RAD52: variants seen among roughly 807,000 people sequenced by gnomAD.
RAD52 encodes RAD52 DNA repair protein.
RAD52 carries 47 observed loss-of-function variants against 55.5 expected under a neutral mutation model. That is an observed-to-expected ratio of 0.85 (90% CI 0.67 to 1.08). The LOEUF is 1.08. RAD52 is among the 50% of genes least tolerant of loss of function. RAD52 has a pLI of 0.00. For synonymous variants in RAD52, 184 were observed against 198.9 expected, an observed-to-expected ratio of 0.92 and a Z score of 0.63; for missense variants, 468 against 522.8, an observed-to-expected ratio of 0.90 and a Z score of 1.02.
chr12:914,596 G>C, intron 9 of RAD52, 64 bp from the exon 10 acceptor site: 1 of 1,592,452 alleles, frequency 6.3e-7, no homozygotes, highest in South Asian at 1.1e-5. Flanking sequence ...ATTTCAGAGC[G>C]TGGGTCCACT....
At chr12:951,969 CT>C (rs886447124), upstream of RAD52, among the ~76,000 whole-genome samples, 4 of 151,734 alleles carry the variant, frequency 2.6e-5, no homozygotes, top group African/African-American at 7.2e-5. Flanking sequence ...TTATGAAAAA[CT>C]TTTTTTTCTA....
chr12:934,460 C>A (rs1253081339), intron 1 of RAD52, among the ~76,000 whole-genome samples: 3 of 128,832 alleles, frequency 2.3e-5, no homozygotes, highest in African/African-American at 8.8e-5. Flanking sequence ...GACTCCATCT[C>A]AAAAAAAAAA....
At chr12:937,537 T>C (rs577030874) in intron 1 of RAD52, among the ~76,000 whole-genome samples, 18 of 152,190 alleles carry the variant, frequency 1.2e-4, no homozygotes, top group African/African-American at 4.3e-4. Flanking sequence ...GCAATTCTCC[T>C]GCCTCAGCCT....
chr12:982,097 G>C (rs1167001861), intron 1 of RAD52, among the ~76,000 whole-genome samples: 8 of 152,140 alleles, frequency 5.3e-5, no homozygotes, highest in Admixed American at 3.9e-4. Flanking sequence ...ATCTCCTTTG[G>C]GATCAGTCTT....
At chr12:965,231 A>AC (rs1185077446) in intron 1 of RAD52, among the ~76,000 whole-genome samples, 2 of 150,176 alleles carry the variant, frequency 1.3e-5, no homozygotes, top group East Asian at 3.9e-4. Flanking sequence ...GCCCACCTCG[A>AC]CTCCCAAAGT....
intron 6 of RAD52, chr12:926,899 G>C: frequency 1.3e-6 from 2 of 1,536,818 alleles, no homozygotes; most frequent in South Asian, 1.2e-5. Flanking sequence ...TGAGTGCACG[G>C]AGAAGAGAGA....
intron 7 of RAD52, among the ~76,000 whole-genome samples, chr12:920,885 A>T (rs186897592): frequency 6.6e-6 from 1 of 152,354 alleles, no homozygotes; most frequent in Admixed American, 6.5e-5. Context: ...TCCAAGACAG[A>T]CTACATGTTA....
chr12:978,005 T>C (rs139471678), intron 1 of RAD52, among the ~76,000 whole-genome samples: 12 of 152,358 alleles, frequency 7.9e-5, no homozygotes, highest in African/African-American at 2.9e-4. Context: ...CAACATTTGC[T>C]ACAATGACAG....
At position 913,403 on chromosome 12, in the gene RAD52, A is replaced by C. The variant is rs4987208; in HGVS notation, c.1245T>G (p.Tyr415Ter). ...GCCTGAGCCTCAGTTAAGATGGATC[A>C]TATTTCCTTTTCTTCATGTCCTGGC... The part of the protein sequence containing the change: ...RKSQDMKKRK[Y>*]DPS Residue 415 changes from tyrosine (Y) to a stop codon, truncating the protein, a stop_gained, in exon 12 of 12, where the codon TAT (tyrosine) becomes TAG (stop). Coordinates refer to ENST00000358495, the MANE Select transcript of RAD52 (RefSeq NM_134424.4). LOFTEE classifies it high-confidence loss of function. 33,584 of 1,607,040 alleles carry C rather than the reference A, an allele frequency of 0.021. 866 individuals carry two copies. The highest frequency in any genetic ancestry group is 0.13 in the Admixed American group (7,872 of 59,894).
At position 916,327 on chromosome 12, in the gene RAD52, TC is replaced by T; in HGVS notation, c.865+16del. The T allele has an allele frequency of 6.2e-7, 1 of 1,602,908 alleles. No homozygotes were observed. On this transcript the variant is annotated intron_variant, in intron 9 of 11. Coordinates refer to ENST00000358495, the MANE Select transcript of RAD52 (RefSeq NM_134424.4). ...CTGCAGACGCCTCCCAGGGCCCTGC[TC>T]CCACCCCTCGCTCACCCTCACTCTT...
At chr12:964,551 A>G (rs1958731652) in intron 1 of RAD52, among the ~76,000 whole-genome samples, 1 of 151,874 alleles carries the variant, frequency 6.6e-6, no homozygotes, top group African/African-American at 2.4e-5. Flanking sequence ...TCAAAACAAC[A>G]ACAACACAAA....
rs369332815 is a variant in RAD52, at chr12:932,953, G to T, written c.84+22C>A. 2.5e-6 allele frequency: 4 copies of T among 1,612,170 alleles called. No homozygotes were observed. The Admixed American group carries it at 5.0e-5, about 20-fold the overall frequency. On this transcript the variant is annotated intron_variant, in intron 2 of 11. Transcript: ENST00000358495. ...TACTCACTTCACCTCATTCTTTCCC[G>T]GCATGAAGGAACCACAGTTACCTGT...
At chr12:961,664 C>G (rs1958687872) in intron 1 of RAD52, among the ~76,000 whole-genome samples, 1 of 151,904 alleles carries the variant, frequency 6.6e-6, no homozygotes, top group Admixed American at 6.6e-5. Flanking sequence ...AGTTCGAGAC[C>G]AGCATGGCCC....
At chr12:984,313 A>T (rs989955434) in intron 1 of RAD52, among the ~76,000 whole-genome samples, 6 of 151,880 alleles carry the variant, frequency 4.0e-5, no homozygotes, top group Non-Finnish European at 8.8e-5. Flanking sequence ...TTCCTGCCTC[A>T]TCCTCCCGAA....
At chr12:943,290 G>A (rs1172762713) in intron 1 of RAD52, among the ~76,000 whole-genome samples, 2 of 152,212 alleles carry the variant, frequency 1.3e-5, no homozygotes, top group Non-Finnish European at 1.5e-5. Context: ...CGACTCCAAG[G>A]ACGGAGCCAC....
chr12:949,426 G>A (rs937367759), intron 1 of RAD52, 176 bp downstream of exon 1: 4 of 152,296 alleles, frequency 2.6e-5, no homozygotes, highest in African/African-American at 9.7e-5. Context: ...CGGATACTGA[G>A]CCCCTCACTG....
At chr12:980,656 C>G (rs1265365323) in intron 1 of RAD52, among the ~76,000 whole-genome samples, 1 of 150,486 alleles carries the variant, frequency 6.6e-6, no homozygotes, top group East Asian at 2.0e-4. Flanking sequence ...GGCTGGAGTG[C>G]AGTGCCACGA....
At chr12:914,340 G>C (rs369564691) in intron 10 of RAD52, 91 bp downstream of exon 10, 3 of 1,543,300 alleles carry the variant, frequency 1.9e-6, no homozygotes, top group Non-Finnish European at 2.6e-6. Flanking sequence ...AAAACCACAC[G>C]AAAATGAGGA....
intron 1 of RAD52, among the ~76,000 whole-genome samples, chr12:944,460 G>A (rs781383923): frequency 3.3e-5 from 5 of 151,960 alleles, no homozygotes; most frequent in Non-Finnish European, 5.9e-5. Flanking sequence ...GGTCAAGGCT[G>A]CAGTGAGCCA....
Sources: allele counts gnomAD v4.1 joint callset (sites outside exome capture counted in the v4.1 genomes callset), GRCh38; gene constraint gnomAD v4.1.1; transcripts MANE v1.5; gene names NCBI Gene and HGNC (gene_info 2026-07-23, HGNC 2026-07-21).